ERC1: variants seen among roughly 807,000 people sequenced by gnomAD.
ERC1 encodes ELKS/RAB6-interacting/CAST family member 1.
ERC1 carries 56 observed loss-of-function variants against 132.0 expected under a neutral mutation model. The observed-to-expected ratio is 0.42, with a 90% CI of 0.34 to 0.53. The LOEUF is 0.53. ERC1 is among the 20% of genes least tolerant of loss of function. The probability of loss-of-function intolerance (pLI) is 0.03; values close to 1 mark genes in which losing one functional copy is unlikely to be tolerated. For missense variants in ERC1, 1,202 were observed against 1,349.9 expected (o/e 0.89, Z 1.72); for synonymous variants, 478 against 476.1 (o/e 1.00, Z -0.05).
chr12:1,220,231 CAT>C (rs1464599931), intron 12 of ERC1, among the ~76,000 whole-genome samples: 2 of 152,160 alleles, frequency 1.3e-5, no homozygotes, highest in African/African-American at 4.8e-5. Flanking sequence ...TTTCTTAGCA[CAT>C]GTCACTGTGC....
intron 15 of ERC1, among the ~76,000 whole-genome samples, chr12:1,333,031 C>CGTCCTGATCCTT (rs1478386961): frequency 2.9e-5 from 4 of 135,628 alleles, no homozygotes; most frequent in Non-Finnish European, 6.3e-5. Context: ...TCCTGATCCT[C>CGTCCTGATCCTT]GTCCTGATCC....
chr12:1,028,211 G>A lies in ERC1; in HGVS notation c.308G>A (p.Arg103Gln), dbSNP rs535851221. 6.8e-5 allele frequency: 110 copies of A among 1,614,012 alleles called. No individual in the cohort carries two copies. In the South Asian group the frequency reaches 9.7e-4, roughly 14 times the overall value. Residue 103 changes from arginine to glutamine, a missense_variant, in exon 2 of 19, where the codon CGG (arginine) becomes CAG (glutamine). Physicochemically the swap from Arg to Gln is conservative, Grantham distance 43. Coordinates refer to ENST00000360905, the MANE Select transcript of ERC1 (RefSeq NM_178040.4). ...RSGGRLPYGVRMTAMGSSPNI... is the reference protein window; with the variant it reads ...RSGGRLPYGVQMTAMGSSPNI... ...GGGGGACGTCTGCCTTACGGTGTTCGGATGACTGCTATGGGTAGTAGCCCC... is the reference window on the plus strand; with the variant it reads ...GGGGGACGTCTGCCTTACGGTGTTCAGATGACTGCTATGGGTAGTAGCCCC...
At chr12:1,254,740 T>A (rs2154317657) in intron 13 of ERC1, among the ~76,000 whole-genome samples, 1 of 152,304 alleles carries the variant, frequency 6.6e-6, no homozygotes, top group African/African-American at 2.4e-5. Context: ...CTTGAACTCC[T>A]GACCTCAGGT....
At chr12:1,186,699 T>G (rs537033618) in intron 11 of ERC1, among the ~76,000 whole-genome samples, 15 of 152,210 alleles carry the variant, frequency 9.9e-5, no homozygotes, top group Admixed American at 2.0e-4. Flanking sequence ...GAGAAGAAAA[T>G]GAAGGCATGA....
At chr12:1,330,845 C>G (rs1487103476) in intron 15 of ERC1, among the ~76,000 whole-genome samples, 1 of 152,084 alleles carries the variant, frequency 6.6e-6, no homozygotes, top group Non-Finnish European at 1.5e-5. Flanking sequence ...TTTATCTTCT[C>G]TTTTTTATCT....
intron 8 of ERC1, among the ~76,000 whole-genome samples, chr12:1,163,111 T>A (rs1028575479): frequency 6.6e-6 from 1 of 152,230 alleles, no homozygotes; most frequent in African/African-American, 2.4e-5. Context: ...CCTCCCTTTT[T>A]AAAAGTAAAC....
intron 15 of ERC1, among the ~76,000 whole-genome samples, chr12:1,299,073 T>C (rs1161966023): frequency 2.0e-5 from 3 of 152,168 alleles, no homozygotes; most frequent in Non-Finnish European, 4.4e-5. Flanking sequence ...TGGTCACCAG[T>C]CATTACTGGG....
At position 1,115,942 on chromosome 12, in the gene ERC1, C is replaced by T; in HGVS notation, c.1478C>T (p.Thr493Ile). The T allele has an allele frequency of 6.2e-7, 1 of 1,614,148 alleles. No homozygotes were observed. Among genetic ancestry groups the T allele is most frequent in the Non-Finnish European group, 8.5e-7 (1 of 1,179,976 alleles). ...CTGCAGACAAAGCTAGAAACACTCA[C>T]AAACCAGTTCTCAGATAGTAAACAG... Reference protein sequence around the residue: ...LALQTKLETLTNQFSDSKQHI... With the variant: ...LALQTKLETLINQFSDSKQHI... The change falls in exon 7 of 19, where the codon ACA becomes ATA. Residue 493 changes from threonine to isoleucine, a missense_variant. Thr to Ile is a moderately conservative substitution (Grantham distance 89). Coordinates refer to ENST00000360905, the MANE Select transcript of ERC1 (RefSeq NM_178040.4).
At chr12:1,151,860 C>T (rs1053940310) in intron 8 of ERC1, 17 of 152,226 alleles carry the variant, frequency 1.1e-4, no homozygotes, top group African/African-American at 4.1e-4. Flanking sequence ...TGAAACTGTT[C>T]ATTAGACAGA....
chr12:1,421,143 T>C (rs944072280), intron 17 of ERC1, among the ~76,000 whole-genome samples: 21 of 152,176 alleles, frequency 1.4e-4, no homozygotes, highest in Non-Finnish European at 5.9e-5. Flanking sequence ...CTTCTAGCTA[T>C]TGAAAAATAC....
At chr12:1,243,226 G>A (rs1212634894) in intron 13 of ERC1, among the ~76,000 whole-genome samples, 2 of 151,390 alleles carry the variant, frequency 1.3e-5, no homozygotes, top group African/African-American at 2.4e-5. Flanking sequence ...AAAAGAAATC[G>A]AGAGATGATT....
At chr12:1,359,576 G>A (rs1046476672) in intron 15 of ERC1, among the ~76,000 whole-genome samples, 6 of 152,106 alleles carry the variant, frequency 3.9e-5, no homozygotes, top group African/African-American at 7.2e-5. Flanking sequence ...GCCACACCCC[G>A]CTTCCTCGTT....
intron 12 of ERC1, among the ~76,000 whole-genome samples, chr12:1,227,466 T>G (rs1158768240): frequency 6.6e-6 from 1 of 152,244 alleles, no homozygotes; most frequent in African/African-American, 2.4e-5. Context: ...TAAAGTCTTC[T>G]TTCGAGAAAT....
At chr12:1,379,481 G>T (rs997525347) in intron 16 of ERC1, among the ~76,000 whole-genome samples, 3 of 152,218 alleles carry the variant, frequency 2.0e-5, no homozygotes, top group Middle Eastern at 3.4e-3. Flanking sequence ...TCCAGTTTCC[G>T]CCCACTACCC....
At chr12:1,056,549 G>A (rs1331362293) in intron 2 of ERC1, among the ~76,000 whole-genome samples, 1 of 152,212 alleles carries the variant, frequency 6.6e-6, no homozygotes, top group Non-Finnish European at 1.5e-5. Context: ...GTTGGACCAG[G>A]TGTGCCATTC....
chr12:1,295,552 A>G (rs1397186007), intron 15 of ERC1, among the ~76,000 whole-genome samples: 1 of 152,184 alleles, frequency 6.6e-6, no homozygotes, highest in Admixed American at 6.5e-5. Context: ...CCCAGTCAAC[A>G]TGGAGAAATC....
intron 2 of ERC1, among the ~76,000 whole-genome samples, chr12:1,073,730 T>C (rs1187733089): frequency 6.6e-6 from 1 of 152,238 alleles, no homozygotes; most frequent in African/African-American, 2.4e-5. Flanking sequence ...TCAAGTATTA[T>C]GTACTGTATA....
intron 14 of ERC1, among the ~76,000 whole-genome samples, chr12:1,264,461 G>C (rs565532573): frequency 1.3e-5 from 2 of 152,182 alleles, no homozygotes; most frequent in East Asian, 3.9e-4. Flanking sequence ...TCAGGAGATC[G>C]AGACCATCCT....
intron 8 of ERC1, among the ~76,000 whole-genome samples, chr12:1,161,448 G>T (rs1054611064): frequency 6.6e-6 from 1 of 152,074 alleles, no homozygotes; most frequent in Non-Finnish European, 1.5e-5. Flanking sequence ...AAAAATTTCT[G>T]GTAGAGCTCT....
Sources: allele counts gnomAD v4.1 joint callset (sites outside exome capture counted in the v4.1 genomes callset), GRCh38; gene constraint gnomAD v4.1.1; transcripts MANE v1.5; gene names NCBI Gene and HGNC (gene_info 2026-07-23, HGNC 2026-07-21).